RNPEPL1: variants seen among roughly 807,000 people sequenced by gnomAD.
The protein encoded by RNPEPL1 is arginyl aminopeptidase like 1, also known as aminopeptidase RNPEPL1.
In RNPEPL1, 46 loss-of-function variants were observed where a neutral mutation model predicts 69.0. That is an observed-to-expected ratio of 0.67 (90% CI 0.53 to 0.85). The LOEUF (loss-of-function observed/expected upper bound fraction) is 0.85, where lower values mean the gene tolerates loss of function less well. Among genes scored for constraint, RNPEPL1 ranks in the 40% least tolerant of loss-of-function variants. The pLI is 0.00. For synonymous variants in RNPEPL1, 525 were observed against 454.1 expected (o/e 1.16, Z -1.98); for missense variants, 869 against 992.5 (o/e 0.88, Z 1.67).
chr2:240,572,667 G>A (rs1575436302), intron 2 of RNPEPL1, 104 bp downstream of exon 2: 5 of 1,387,648 alleles, frequency 3.6e-6, no homozygotes, highest in East Asian at 5.0e-5. Flanking sequence ...GGCCCCAGCT[G>A]CCAGCAGGCC....
Position 240,572,533 on chromosome 2 carries a change from C to G in RNPEPL1, c.639C>G (p.Ala213=), listed in dbSNP as rs530152495. 2.0e-6 allele frequency: 3 copies of G among 1,536,132 alleles called. No homozygotes were observed. The African/African-American group carries it at 4.1e-5, about 21-fold the overall frequency. Reference sequence around the variant, plus strand: ...TCTTCCCGTGCTTCGACACACCTGCCGTGAAGTGCACCTACTCTGCCGTCG... The same window carrying G: ...TCTTCCCGTGCTTCGACACACCTGCGGTGAAGTGCACCTACTCTGCCGTCG... ...RSFFPCFDTP[A]VKCTYSAVVK... is the part of the protein sequence containing the mutation. The change falls in exon 2 of 11, where the codon GCC becomes GCG. Residue 213 remains alanine (A), a synonymous_variant. Transcript: ENST00000270357.
In RNPEPL1 at chr2:240,578,617, C is replaced by G. The variant is rs1383040090; in HGVS notation, c.*725C>G. 1 of 152,492 alleles carries G rather than the reference C, an allele frequency of 6.6e-6. No individual in the cohort carries two copies. The highest frequency in any genetic ancestry group is 2.4e-5 in the African/African-American group (1 of 41,440). The allele number at this position is 152,492 out of a possible 1,614,324, so 9.4% of individuals were successfully genotyped here. A position where few individuals can be genotyped will look rare whatever the true frequency, so the allele number is the denominator to read the frequency against. ...GAAAGTGGGAGGTGGTGCTGGTGCT[C>G]TCTCCAGGCCCACCATGCTGGGAGA... On this transcript the variant is annotated 3_prime_UTR_variant, in exon 11 of 11. Coordinates refer to ENST00000270357, the MANE Select transcript of RNPEPL1 (RefSeq NM_018226.6).
At position 240,571,289 on chromosome 2, in the gene RNPEPL1, C is replaced by T. The variant is rs367625096; in HGVS notation, c.529-1134C>T. 9.0e-4 allele frequency among the ~76,000 whole-genome samples: 137 copies of T among 152,246 alleles called. 1 individual carries two copies. Among genetic ancestry groups the T allele is most frequent in the African/African-American group, 3.2e-3 (134 of 41,536 alleles). On this transcript the variant is annotated intron_variant, in intron 1 of 10. Coordinates refer to ENST00000270357, the MANE Select transcript of RNPEPL1 (RefSeq NM_018226.6). ...CTGGCCGGGACTGCGGGGGAGGCAG[C>T]CCTCCTGGTCTGGGATCCTCCAGGC...
chr2:240,577,588 C>A lies in RNPEPL1; in HGVS notation c.1885-11C>A. 1 of 1,546,744 alleles carries A rather than the reference C, an allele frequency of 6.5e-7. No individual in the cohort carries two copies. The highest frequency in any genetic ancestry group is 1.8e-5 in the Admixed American group (1 of 55,500). ...GGAGCCCACCAGTGTGACCGAGTGC[C>A]CCTCCTGCAGATGTCACGCATGTAC... On this transcript the variant is annotated splice_polypyrimidine_tract_variant and intron_variant, in intron 10 of 10. Coordinates refer to ENST00000270357, the MANE Select transcript of RNPEPL1 (RefSeq NM_018226.6).
At chr2:240,575,787 C>A in intron 8 of RNPEPL1, 177 bp downstream of exon 8, 1 of 611,312 alleles carries the variant, frequency 1.6e-6, no homozygotes, top group Non-Finnish European at 2.9e-6. Flanking sequence ...GAGAACAGGG[C>A]TGGGGTTGGG....
In RNPEPL1 at chr2:240,577,742, C is replaced by A; in HGVS notation, c.2028C>A (p.Gly676=). ...CCATCCAGCAGATCCTGTCCCAGGGCCTGGGCTCCAGCACAGAGCCCGCCT... is the reference window on the plus strand; with the variant it reads ...CCATCCAGCAGATCCTGTCCCAGGGACTGGGCTCCAGCACAGAGCCCGCCT... The part of the protein sequence containing the change: ...RRAIQQILSQ[G]LGSSTEPASE... The change falls in exon 11 of 11, where the codon GGC becomes GGA. Residue 676 remains glycine, a synonymous_variant. Coordinates refer to ENST00000270357, the MANE Select transcript of RNPEPL1 (RefSeq NM_018226.6). The A allele has an allele frequency of 6.2e-7, 1 of 1,612,462 alleles. No homozygotes were observed. The highest frequency in any genetic ancestry group is 8.5e-7 in the Non-Finnish European group (1 of 1,179,692).
intron 1 of RNPEPL1, among the ~76,000 whole-genome samples, chr2:240,571,405 A>G (rs572989380): frequency 4.1e-4 from 63 of 152,258 alleles, no homozygotes; most frequent in African/African-American, 1.5e-3. Context: ...ACGAAGAGCA[A>G]TTCAGTTTGC....
intron 1 of RNPEPL1, 186 bp downstream of exon 1, chr2:240,569,300 C>A: frequency 1.6e-6 from 1 of 606,940 alleles, no homozygotes; most frequent in Non-Finnish European, 2.6e-6. Context: ...CGGAGTCCTG[C>A]GGGGACACGG....
At chr2:240,574,958 C>T (rs1476837001) in intron 6 of RNPEPL1, 72 bp from the exon 7 acceptor site, 3 of 1,168,252 alleles carry the variant, frequency 2.6e-6, no homozygotes, top group Admixed American at 1.7e-5. Context: ...CGGAGCCTGA[C>T]CACTGCCCCT....
rs781418390 is a variant in RNPEPL1, at chr2:240,572,494, G to C, written c.600G>C (p.Val200=). ...KPFVFTQGHS[V]CNRSFFPCFD... is the part of the protein sequence containing the mutation. ...TCGTCTTCACCCAGGGCCACTCCGT[G>C]TGCAACCGCTCCTTCTTCCCGTGCT... Residue 200 remains valine, a synonymous_variant, in exon 2 of 11, where the codon GTG becomes GTC. Coordinates refer to ENST00000270357, the MANE Select transcript of RNPEPL1 (RefSeq NM_018226.6). 2.0e-6 allele frequency: 3 copies of C among 1,536,168 alleles called. No homozygotes were observed. In the African/African-American group the frequency reaches 4.1e-5, roughly 21 times the overall value.
rs969844810 is a variant in RNPEPL1 at position 240,571,005 on chromosome 2, AGAG to A, written c.529-1414_529-1412del. Reference sequence around the variant, plus strand: ...CAGGAGGGTGAGGCAAGGCCACAGGAGAGGAGTAGTTGTGAGGGGGCCGTGCAG... The same window carrying A: ...CAGGAGGGTGAGGCAAGGCCACAGGAGAGTAGTTGTGAGGGGGCCGTGCAG... On this transcript the variant is annotated intron_variant, in intron 1 of 10. Coordinates refer to ENST00000270357, the MANE Select transcript of RNPEPL1 (RefSeq NM_018226.6). Among the ~76,000 whole-genome samples, 12 of 152,160 alleles carry A rather than the reference AGAG, an allele frequency of 7.9e-5. No homozygotes were observed. The East Asian group carries it at 1.2e-3, about 15-fold the overall frequency.
chr2:240,569,181 C>T (rs2093013980), intron 1 of RNPEPL1, 67 bp downstream of exon 1: 5 of 1,360,640 alleles, frequency 3.7e-6, no homozygotes, highest in Middle Eastern at 2.7e-4. Flanking sequence ...CCTCTCGCCG[C>T]ACGGCCAGGC....
chr2:240,574,922 A>G (rs1053779561), intron 6 of RNPEPL1, 108 bp from the exon 7 acceptor site: 2 of 848,888 alleles, frequency 2.4e-6, no homozygotes, highest in African/African-American at 1.7e-5. Context: ...TGTGAGGGAC[A>G]GTGGCGCTTG....
intron 10 of RNPEPL1, 82 bp from the exon 11 acceptor site, chr2:240,577,517 G>C: frequency 1.4e-6 from 2 of 1,445,950 alleles, no homozygotes; most frequent in Non-Finnish European, 1.9e-6. Context: ...GGGGCAGGAG[G>C]GCCGCCTGGC....
At chr2:240,576,815 C>T (rs368558498) in intron 9 of RNPEPL1, 33 bp from the exon 10 acceptor site, 23 of 1,612,368 alleles carry the variant, frequency 1.4e-5, no homozygotes, top group Admixed American at 1.7e-5. Flanking sequence ...GGTGCAACAG[C>T]GGCCCAGCCC....
rs2093037022 is a variant in RNPEPL1, at chr2:240,576,141, A to G, written c.1511-394A>G. 1.4e-5 allele frequency: 4 copies of G among 289,186 alleles called. No homozygotes were observed. In the South Asian group the frequency reaches 1.9e-4, roughly 14 times the overall value. The allele number at this position is 289,186 out of a possible 1,614,324, so 17.9% of individuals were successfully genotyped here. On this transcript the variant is annotated intron_variant, in intron 8 of 10. Coordinates refer to ENST00000270357, the MANE Select transcript of RNPEPL1 (RefSeq NM_018226.6). ...ATCAAGAGCTTTTTGTGGGTAGGGAATGGGCACTGCCCTTTAAGAGCAGGA... is the reference window on the plus strand; with the variant it reads ...ATCAAGAGCTTTTTGTGGGTAGGGAGTGGGCACTGCCCTTTAAGAGCAGGA...
chr2:240,577,199 A>G (rs2953177), intron 10 of RNPEPL1, among the ~76,000 whole-genome samples: 124,720 of 152,214 alleles, frequency 0.82, 51,222 homozygotes, highest in East Asian at 0.96. Flanking sequence ...TCTTGGAGAA[A>G]CTGTGGAAGG....
chr2:240,574,505 C>A lies in RNPEPL1; in HGVS notation c.1175-10C>A, dbSNP rs1288754663. On this transcript the variant is annotated splice_polypyrimidine_tract_variant and intron_variant, in intron 5 of 10. Coordinates refer to ENST00000270357, the MANE Select transcript of RNPEPL1 (RefSeq NM_018226.6). The stretch of plus-strand genomic sequence containing the variant: ...CCCTCACCTCTCCTCTGTCTCCGGA[C>A]CCCATCCAGGTGCTGCCTTCACCTG... 5 of 1,606,606 alleles carry A rather than the reference C, an allele frequency of 3.1e-6. No individual in the cohort carries two copies. The highest frequency in any genetic ancestry group is 4.2e-6 in the Non-Finnish European group (5 of 1,176,984).
rs1037068010 is a variant in RNPEPL1 at position 240,579,630 on chromosome 2, C to G, written c.*1738C>G. On this transcript the variant is annotated 3_prime_UTR_variant, in exon 11 of 11. Coordinates refer to ENST00000270357, the MANE Select transcript of RNPEPL1 (RefSeq NM_018226.6). ...CATCTAAAGTCTTGCCAGGCAGGCA[C>G]AGCTAGGGCCCCTGCCTGGGAGTGG... The G allele has an allele frequency of 2.0e-5, 3 of 152,156 alleles. No homozygotes were observed. The highest frequency in any genetic ancestry group is 6.5e-5 in the Admixed American group (1 of 15,282). The allele number at this position is 152,156 out of a possible 1,614,324, so 9.4% of individuals were successfully genotyped here.
Sources: gnomAD v4.1 joint callset for allele counts (sites outside exome capture counted in the v4.1 genomes callset) on GRCh38, gnomAD v4.1.1 for gene constraint, MANE v1.5 for transcripts, NCBI Gene and HGNC (gene_info 2026-07-23, HGNC 2026-07-21) for gene names.